LHFPL2: variants seen among roughly 807,000 people sequenced by gnomAD.
LHFPL2 encodes the protein LHFPL tetraspan subfamily member 2.
LHFPL2 carries 7 observed loss-of-function variants against 17.5 expected under a neutral mutation model. The observed-to-expected ratio is 0.40, with a 90% confidence interval of 0.23 to 0.75. LHFPL2 has a LOEUF of 0.75. Among genes scored for constraint, LHFPL2 ranks in the 30% least tolerant of loss-of-function variants. The pLI is 0.37. For synonymous variants in LHFPL2, 134 were observed against 116.2 expected (o/e 1.15, Z -0.99); for missense variants, 241 against 294.8 (o/e 0.82, Z 1.34).
At chr5:78,524,742 CAAAA>C (rs34179854) in intron 3 of LHFPL2, among the ~76,000 whole-genome samples, 6 of 117,780 alleles carry the variant, frequency 5.1e-5, no homozygotes, top group African/African-American at 9.8e-5. Context: ...ACCCTGTTCT[CAAAA>C]AAAAAAAAAA....
chr5:78,634,489 G>T (rs574224655), intron 1 of LHFPL2, among the ~76,000 whole-genome samples: 140 of 152,352 alleles, frequency 9.2e-4, no homozygotes, highest in Non-Finnish European at 1.5e-3. Flanking sequence ...ACCTGCCCCT[G>T]TGCCTATGGT....
intron 2 of LHFPL2, among the ~76,000 whole-genome samples, chr5:78,617,114 C>T (rs1022868255): frequency 7.9e-5 from 12 of 151,620 alleles, no homozygotes; most frequent in Non-Finnish European, 1.2e-4. Flanking sequence ...CTACAACCTC[C>T]GCCTCCCAGG....
rs535439846 is a variant in LHFPL2, at chr5:78,638,120, C to T, written c.-349-5752G>A. Among the ~76,000 whole-genome samples, 49 of 152,132 alleles carry T rather than the reference C, an allele frequency of 3.2e-4. 1 individual carries two copies. Among genetic ancestry groups the T allele is most frequent in the South Asian group, 2.3e-3 (11 of 4,818 alleles). On this transcript the variant is annotated intron_variant, in intron 1 of 4. Coordinates refer to ENST00000380345, the MANE Select transcript of LHFPL2 (RefSeq NM_005779.3). Reference sequence around the variant, plus strand: ...CTGTAATCCTAGCATTTTGGGAGGCCGAGGCAGGTGGATCACGAGGTCAGG... The same window carrying T: ...CTGTAATCCTAGCATTTTGGGAGGCTGAGGCAGGTGGATCACGAGGTCAGG...
At position 78,648,526 on chromosome 5, in the gene LHFPL2, C is replaced by G. The variant is rs963526395; in HGVS notation, c.-377G>C. On this transcript the variant is annotated 5_prime_UTR_variant, in exon 1 of 5. Coordinates refer to ENST00000380345, the MANE Select transcript of LHFPL2 (RefSeq NM_005779.3). The surrounding 1 kb of genome is among the most constrained non-coding windows in gnomAD (Gnocchi z 5.4). ...GGCCCCAGCTCGGCGTCTCCGGCTC[C>G]GAGCCCGCAGCCTTCCCCAAGTCAG... 4 of 152,124 alleles carry G rather than the reference C, an allele frequency of 2.6e-5. No individual in the cohort carries two copies. The highest frequency in any genetic ancestry group is 2.0e-4 in the Admixed American group (3 of 15,278). The allele number at this position is 152,124 out of a possible 1,614,324, so 9.4% of individuals were successfully genotyped here.
At chr5:78,523,817 A>T (rs1166940166) in intron 3 of LHFPL2, among the ~76,000 whole-genome samples, 1 of 152,222 alleles carries the variant, frequency 6.6e-6, no homozygotes, top group Non-Finnish European at 1.5e-5. Flanking sequence ...CATTTAATTA[A>T]AAGAAAAAAG....
At chr5:78,517,486 T>G (rs1755327136) in intron 3 of LHFPL2, among the ~76,000 whole-genome samples, 1 of 152,204 alleles carries the variant, frequency 6.6e-6, no homozygotes, top group African/African-American at 2.4e-5. Context: ...TACCCGAAAC[T>G]GGGTAATTTA....
At chr5:78,600,111 G>C (rs1442332524) in intron 2 of LHFPL2, among the ~76,000 whole-genome samples, 1 of 152,026 alleles carries the variant, frequency 6.6e-6, no homozygotes, top group African/African-American at 2.4e-5. Flanking sequence ...TATTTTGAAA[G>C]ACTAAAGTTG....
intron 3 of LHFPL2, among the ~76,000 whole-genome samples, chr5:78,518,219 T>G (rs762099368): frequency 5.3e-5 from 8 of 152,240 alleles, no homozygotes; most frequent in African/African-American, 1.2e-4. Flanking sequence ...GGGCAAAATA[T>G]AAGTCTTAAA....
At chr5:78,504,332 TTC>T (rs1447360025) in intron 4 of LHFPL2, among the ~76,000 whole-genome samples, 2 of 152,040 alleles carry the variant, frequency 1.3e-5, no homozygotes, top group South Asian at 2.1e-4. Context: ...AGGAGAAAAA[TTC>T]TGAGGCAGGG....
At chr5:78,564,147 G>C (rs1756800508) in intron 3 of LHFPL2, among the ~76,000 whole-genome samples, 1 of 152,166 alleles carries the variant, frequency 6.6e-6, no homozygotes, top group Non-Finnish European at 1.5e-5. Context: ...TAAGACCTGA[G>C]AGGACCTGGC....
chr5:78,498,446 G>C (rs1245738415), intron 4 of LHFPL2, among the ~76,000 whole-genome samples: 1 of 152,190 alleles, frequency 6.6e-6, no homozygotes, highest in African/African-American at 2.4e-5. Context: ...CTTCCATGCT[G>C]ATAGTCAGAA....
At chr5:78,536,272 G>A (rs998076305) in intron 3 of LHFPL2, among the ~76,000 whole-genome samples, 1 of 152,192 alleles carries the variant, frequency 6.6e-6, no homozygotes, top group Non-Finnish European at 1.5e-5. Flanking sequence ...TGCCCCTACT[G>A]TCCAGATGCA....
chr5:78,493,441 A>G (rs917942402), intron 4 of LHFPL2, among the ~76,000 whole-genome samples: 9 of 152,220 alleles, frequency 5.9e-5, no homozygotes, highest in Non-Finnish European at 1.3e-4. Context: ...ATACGACTCA[A>G]CCTACCATTT....
chr5:78,535,099 T>G (rs951290347), intron 3 of LHFPL2, among the ~76,000 whole-genome samples: 5 of 152,218 alleles, frequency 3.3e-5, no homozygotes, highest in Non-Finnish European at 7.3e-5. Flanking sequence ...CTGGTTCCAT[T>G]ACATTTTCTT....
At chr5:78,580,905 G>T (rs914389130) in intron 2 of LHFPL2, among the ~76,000 whole-genome samples, 4 of 152,138 alleles carry the variant, frequency 2.6e-5, no homozygotes, top group African/African-American at 9.7e-5. Flanking sequence ...TAGCTTGATG[G>T]GGATGGCATT....
At chr5:78,550,564 T>TTA (rs138416957) in intron 3 of LHFPL2, among the ~76,000 whole-genome samples, 1 of 150,660 alleles carries the variant, frequency 6.6e-6, no homozygotes, top group Non-Finnish European at 1.5e-5. Context: ...TTTTATTTAT[T>TTA]TTTATTTATT....
chr5:78,646,526 A>G (rs187069420), intron 1 of LHFPL2, among the ~76,000 whole-genome samples: 1 of 152,358 alleles, frequency 6.6e-6, no homozygotes. Flanking sequence ...GAGAAATTAA[A>G]TAACATGCCC....
At chr5:78,644,238 TAAG>T (rs1226752858) in intron 1 of LHFPL2, 1 of 693,084 alleles carries the variant, frequency 1.4e-6, no homozygotes, top group Non-Finnish European at 2.6e-6. Flanking sequence ...GCTTTATAGA[TAAG>T]AAAAAAAAAC....
chr5:78,619,485 T>TA (rs1561368178), intron 2 of LHFPL2, among the ~76,000 whole-genome samples: 45 of 148,874 alleles, frequency 3.0e-4, no homozygotes, highest in African/African-American at 1.1e-3. Flanking sequence ...GAGTTTTTAT[T>TA]TATATATATA....
Sources: allele counts gnomAD v4.1 joint callset (sites outside exome capture counted in the v4.1 genomes callset), GRCh38; gene constraint gnomAD v4.1.1; non-coding constraint Gnocchi (gnomAD v3.1); transcripts MANE v1.5; gene names NCBI Gene and HGNC (gene_info 2026-07-23, HGNC 2026-07-21).